Variants in ZMYM2 observed in about 807,000 individuals in gnomAD.
The protein encoded by ZMYM2 is zinc finger MYM-type containing 2, also known as zinc finger MYM-type protein 2.
A neutral mutation model predicts 162.8 loss-of-function variants in ZMYM2; 56 were observed. That is an observed-to-expected ratio of 0.34 (90% CI 0.28 to 0.43). ZMYM2 has a LOEUF of 0.43. Among genes scored for constraint, ZMYM2 ranks in the 20% least tolerant of loss-of-function variants. The probability of loss-of-function intolerance (pLI) is 1.00; values close to 1 mark genes in which losing one functional copy is unlikely to be tolerated. For missense variants in ZMYM2, 1,275 were observed against 1,621.8 expected, an observed-to-expected ratio of 0.79 and a Z score of 3.67; for synonymous variants, 510 against 541.6, an observed-to-expected ratio of 0.94 and a Z score of 0.81.
chr13:20,069,295 C>A (rs1956907094), intron 21 of ZMYM2, among the ~76,000 whole-genome samples: 2 of 152,064 alleles, frequency 1.3e-5, no homozygotes, highest in African/African-American at 2.4e-5. Flanking sequence ...TCTCTCCTGC[C>A]ACCCAAACCC....
intron 10 of ZMYM2, among the ~76,000 whole-genome samples, chr13:20,033,045 T>C (rs1953347625): frequency 6.6e-6 from 1 of 152,162 alleles, no homozygotes; most frequent in Non-Finnish European, 1.5e-5. Flanking sequence ...TTTGAGACTG[T>C]TGTTGGCATC....
At chr13:19,932,413 T>C in the ZMYM2 span, among the ~76,000 whole-genome samples, 1 of 152,044 alleles carries the variant, frequency 6.6e-6, no homozygotes, top group Non-Finnish European at 1.5e-5. Flanking sequence ...TTTGGGAGGC[T>C]GTGGCAGGTG....
chr13:20,013,961 C>T (rs1461188383), intron 6 of ZMYM2, among the ~76,000 whole-genome samples: 1 of 152,058 alleles, frequency 6.6e-6, no homozygotes, highest in Admixed American at 6.5e-5. Flanking sequence ...GGTGAGACAT[C>T]TTGTATCTTC....
chr13:20,022,934 T>C (rs1372349351), intron 7 of ZMYM2, among the ~76,000 whole-genome samples: 1 of 152,190 alleles, frequency 6.6e-6, no homozygotes, highest in African/African-American at 2.4e-5. Context: ...CAACCAATTA[T>C]ATCAAAATAC....
At chr13:20,044,102 C>G (rs1303367524) in intron 12 of ZMYM2, among the ~76,000 whole-genome samples, 3 of 152,062 alleles carry the variant, frequency 2.0e-5, no homozygotes, top group Admixed American at 2.0e-4. Flanking sequence ...GACAGTTGCC[C>G]TAGGGTTAAA....
chr13:20,081,830 G>T (rs1021219497), intron 21 of ZMYM2, among the ~76,000 whole-genome samples, 186 bp from the exon 22 acceptor site: 1 of 151,858 alleles, frequency 6.6e-6, no homozygotes, highest in Non-Finnish European at 1.5e-5. Flanking sequence ...TCAAGCAACA[G>T]ATTTGTTGAT....
At chr13:19,934,434 A>C in the ZMYM2 span, among the ~76,000 whole-genome samples, 1 of 152,292 alleles carries the variant, frequency 6.6e-6, no homozygotes, top group Non-Finnish European at 1.5e-5. Context: ...CTGGGATTGC[A>C]AGCATGAGCC....
At chr13:19,989,570 T>C (rs1949441438) in intron 2 of ZMYM2, among the ~76,000 whole-genome samples, 1 of 152,196 alleles carries the variant, frequency 6.6e-6, no homozygotes, top group Non-Finnish European at 1.5e-5. Flanking sequence ...TCTGCCCGTC[T>C]ACATGAGATG....
chr13:19,972,726 T>C (rs1956431932), intron 2 of ZMYM2, among the ~76,000 whole-genome samples: 1 of 151,940 alleles, frequency 6.6e-6, no homozygotes, highest in South Asian at 2.1e-4. Context: ...TATATGCATA[T>C]TATATATTTT....
At chr13:19,974,680 C>T (rs1956629972) in intron 2 of ZMYM2, among the ~76,000 whole-genome samples, 1 of 152,076 alleles carries the variant, frequency 6.6e-6, no homozygotes, top group Non-Finnish European at 1.5e-5. Context: ...CCATGTGGGC[C>T]AGGCTGATCT....
At chr13:20,026,388 T>C in intron 7 of ZMYM2, 1 of 379,848 alleles carries the variant, frequency 2.6e-6, no homozygotes, top group Non-Finnish European at 4.7e-6. Flanking sequence ...GAGAAAAACA[T>C]TCTGTTTTTG....
At chr13:20,043,706 G>C (rs1385017642) in intron 12 of ZMYM2, among the ~76,000 whole-genome samples, 2 of 152,154 alleles carry the variant, frequency 1.3e-5, no homozygotes, top group East Asian at 3.9e-4. Flanking sequence ...GGGGCAAGGT[G>C]GGGGTGAAGT....
chr13:20,049,862 T>A (rs1955155526), intron 12 of ZMYM2, among the ~76,000 whole-genome samples: 1 of 152,004 alleles, frequency 6.6e-6, no homozygotes, highest in Non-Finnish European at 1.5e-5. Context: ...AATCAGTGAA[T>A]AAAGTATTAA....
chr13:20,028,689 T>A (rs1273289528), intron 9 of ZMYM2, among the ~76,000 whole-genome samples: 1 of 152,190 alleles, frequency 6.6e-6, no homozygotes, highest in African/African-American at 2.4e-5. Context: ...AAATCACATC[T>A]AGATTACCCT....
the ZMYM2 span, among the ~76,000 whole-genome samples, chr13:19,871,305 G>A: frequency 6.6e-6 from 1 of 152,036 alleles, no homozygotes; most frequent in Non-Finnish European, 1.5e-5. Flanking sequence ...CAACAATAAT[G>A]TATAAAATAG....
chr13:20,025,347 CAG>C (rs1378627169), intron 7 of ZMYM2: 1 of 190,664 alleles, frequency 5.2e-6, no homozygotes, highest in Non-Finnish European at 1.1e-5. Flanking sequence ...TGCAACCACT[CAG>C]AGGATCAAAA....
chr13:20,051,434 C>T lies in ZMYM2; in HGVS notation c.2294C>T (p.Ala765Val). The T allele has an allele frequency of 6.2e-7, 1 of 1,609,948 alleles. No individual in the cohort carries two copies. The highest frequency in any genetic ancestry group is 8.5e-7 in the Non-Finnish European group (1 of 1,178,548). ...TGAAACCTTCCTTTTTAAATTAAGG[C>T]TGCAAGGTGTGACTGTTGTAAATCT... ...CKKFQDWYYKAARCDCCKSQG... is the reference protein window; with the variant it reads ...CKKFQDWYYKVARCDCCKSQG... Residue 765 changes from alanine to valine, a missense_variant and splice_region_variant, in exon 13 of 25, where the codon GCT becomes GTT. This residue lies in a region of ZMYM2 where 177 missense variants were observed against 228.0 expected (regional missense o/e 0.78). Transcript: ENST00000610343.
Position 20,087,495 on chromosome 13 carries a change from A to G in ZMYM2, c.*1481A>G, listed in dbSNP as rs978886427. On this transcript the variant is annotated 3_prime_UTR_variant, in exon 25 of 25. Transcript: ENST00000610343. ...AGTGTTTAGAAATTGTTCAGGGGAA[A>G]ATTGAGCTATTTTCCATAGTGGCTA... is the stretch of plus-strand genomic sequence containing the variant. 5.3e-6 allele frequency: 1 copy of G among 187,440 alleles called. No homozygotes were observed. Among genetic ancestry groups the G allele is most frequent in the African/African-American group, 2.3e-5 (1 of 42,766 alleles). 11.6% of individuals were successfully genotyped at this position (187,440 alleles called of 1,614,324 possible).
At chr13:19,941,990 G>A in the ZMYM2 span, among the ~76,000 whole-genome samples, 13 of 151,886 alleles carry the variant, frequency 8.6e-5, no homozygotes, top group South Asian at 2.7e-3. Flanking sequence ...AAGTGATCCT[G>A]CTGCTTTAGC....
Sources: gnomAD v4.1 joint callset for allele counts (sites outside exome capture counted in the v4.1 genomes callset) on GRCh38, gnomAD v4.1.1 for gene constraint, gnomAD v4.1.1 regional missense constraint, MANE v1.5 for transcripts, NCBI Gene and HGNC (gene_info 2026-07-23, HGNC 2026-07-21) for gene names.